The following MTMR2 variants were observed in gnomAD, a reference collection of about 807,000 sequenced individuals.
MTMR2 encodes myotubularin related protein 2.
In MTMR2, 55 loss-of-function variants were observed where a neutral mutation model predicts 86.9. The ratio of observed to expected loss-of-function variants is 0.63; its 90% confidence interval spans 0.51 to 0.79. MTMR2 has a LOEUF of 0.79. Ranked by LOEUF, MTMR2 falls within the 30% of genes least tolerant of loss-of-function variation. The pLI is 0.00. For synonymous variants in MTMR2, 241 were observed against 266.8 expected (o/e 0.90, Z 0.94); for missense variants, 659 against 772.3 (o/e 0.85, Z 1.74).
intron 2 of MTMR2, among the ~76,000 whole-genome samples, chr11:95,869,217 G>C (rs1864756878): frequency 7.4e-6 from 1 of 135,304 alleles, no homozygotes; most frequent in Admixed American, 7.4e-5. Context: ...AAAGAGATTT[G>C]CAAAACACCA....
At chr11:95,846,092 A>G (rs754706688) in intron 10 of MTMR2, among the ~76,000 whole-genome samples, 2 of 152,148 alleles carry the variant, frequency 1.3e-5, no homozygotes, top group African/African-American at 4.8e-5. Context: ...TTGACTATAT[A>G]TCAAGAGTCA....
chr11:95,852,602 C>T (rs749436923), intron 7 of MTMR2, among the ~76,000 whole-genome samples: 9 of 152,326 alleles, frequency 5.9e-5, no homozygotes, highest in Admixed American at 5.9e-4. Flanking sequence ...TCCCTCCCTC[C>T]TGATTTCGTT....
At position 95,894,179 on chromosome 11, in the gene MTMR2, A is replaced by G. The variant is rs1865804106; in HGVS notation, c.81-5918T>C. 1.3e-5 allele frequency among the ~76,000 whole-genome samples: 2 copies of G among 152,002 alleles called. 1 individual carries two copies. Among genetic ancestry groups the G allele is most frequent in the South Asian group, 4.1e-4 (2 of 4,824 alleles). ...CCTCTAATGTCCTTTATAATCTTCC[A>G]TGCCCTCTTTGTCCCATCTATCTTG... is the stretch of plus-strand genomic sequence containing the variant. On this transcript the variant is annotated intron_variant, in intron 1 of 14. Coordinates refer to ENST00000346299, the MANE Select transcript of MTMR2 (RefSeq NM_016156.6).
intron 7 of MTMR2, among the ~76,000 whole-genome samples, chr11:95,852,312 T>C (rs890024239): frequency 6.6e-6 from 1 of 152,206 alleles, no homozygotes; most frequent in Non-Finnish European, 1.5e-5. Context: ...AAATCTATCC[T>C]TTTTATATAA....
intron 1 of MTMR2, 200 bp downstream of exon 1, chr11:95,923,675 A>G (rs780424564): frequency 2.1e-6 from 3 of 1,427,306 alleles, no homozygotes; most frequent in Non-Finnish European, 2.7e-6. Context: ...ATCGATAAAG[A>G]AGCAGCGAGT....
At chr11:95,878,938 G>A (rs1865223698) in intron 2 of MTMR2, among the ~76,000 whole-genome samples, 2 of 152,186 alleles carry the variant, frequency 1.3e-5, no homozygotes, top group South Asian at 4.1e-4. Context: ...TTCATTCAGT[G>A]CTCTTAACAC....
chr11:95,898,523 C>T (rs1242109002), intron 1 of MTMR2, among the ~76,000 whole-genome samples: 1 of 151,970 alleles, frequency 6.6e-6, no homozygotes, highest in East Asian at 1.9e-4. Context: ...CAAACACACA[C>T]ACACAAAAAA....
At chr11:95,902,592 C>A (rs1866112562) in intron 1 of MTMR2, among the ~76,000 whole-genome samples, 1 of 152,138 alleles carries the variant, frequency 6.6e-6, no homozygotes, top group African/African-American at 2.4e-5. Context: ...ATTCTACCTC[C>A]CATTCACTCC....
chr11:95,851,417 G>A (rs1033732225), intron 7 of MTMR2, among the ~76,000 whole-genome samples: 2 of 151,896 alleles, frequency 1.3e-5, no homozygotes, highest in African/African-American at 4.8e-5. Flanking sequence ...AGGCTGGAGT[G>A]CAATGGCGCG....
At chr11:95,857,520 A>C (rs1205839061) in intron 7 of MTMR2, 32 bp downstream of exon 7, 13 of 1,491,692 alleles carry the variant, frequency 8.7e-6, no homozygotes, top group Non-Finnish European at 1.2e-5. Context: ...AGAATACAAA[A>C]TACTAAAATT....
chr11:95,869,092 C>A (rs929675688), intron 2 of MTMR2, among the ~76,000 whole-genome samples: 1 of 151,964 alleles, frequency 6.6e-6, no homozygotes, highest in Non-Finnish European at 1.5e-5. Flanking sequence ...AAAAACTCCA[C>A]ATTCACTACC....
intron 12 of MTMR2, 127 bp from the exon 13 acceptor site, chr11:95,838,334 A>G (rs543044953): frequency 2.9e-6 from 2 of 680,268 alleles, no homozygotes; most frequent in Admixed American, 2.0e-5. Flanking sequence ...CATTATTCCA[A>G]GCCATTATGG....
chr11:95,886,523 T>C (rs1865516552), intron 2 of MTMR2, among the ~76,000 whole-genome samples: 2 of 152,182 alleles, frequency 1.3e-5, no homozygotes, highest in South Asian at 4.1e-4. Flanking sequence ...CTCCTTCATC[T>C]ATCCATTTTC....
chr11:95,842,769 C>T (rs1488755701), intron 11 of MTMR2, among the ~76,000 whole-genome samples: 1 of 152,232 alleles, frequency 6.6e-6, no homozygotes, highest in Non-Finnish European at 1.5e-5. Context: ...AGGCATCAAG[C>T]AGGGCAATGC....
chr11:95,865,916 A>C (rs1435221682), intron 2 of MTMR2, among the ~76,000 whole-genome samples: 1 of 152,080 alleles, frequency 6.6e-6, no homozygotes, highest in African/African-American at 2.4e-5. Context: ...TACACAAAAA[A>C]TTGTACATGT....
intron 1 of MTMR2, among the ~76,000 whole-genome samples, chr11:95,919,095 C>A (rs181316561): frequency 4.1e-4 from 63 of 152,298 alleles, no homozygotes; most frequent in African/African-American, 1.5e-3. Flanking sequence ...TGTTCAGCCT[C>A]CTAAACTGCT....
chr11:95,871,456 T>C (rs1392431953), intron 2 of MTMR2, among the ~76,000 whole-genome samples: 2 of 152,230 alleles, frequency 1.3e-5, no homozygotes, highest in African/African-American at 2.4e-5. Flanking sequence ...TGGTATCTCA[T>C]TGTGGTTTTC....
intron 14 of MTMR2, 53 bp downstream of exon 14, chr11:95,836,095 C>CTT (rs1565342413): frequency 6.6e-7 from 1 of 1,522,910 alleles, no homozygotes; most frequent in Non-Finnish European, 9.1e-7. Flanking sequence ...TTTAAGGAGA[C>CTT]AAAGTTGCAC....
At chr11:95,885,496 G>A (rs1159553513) in intron 2 of MTMR2, among the ~76,000 whole-genome samples, 1 of 151,984 alleles carries the variant, frequency 6.6e-6, no homozygotes, top group African/African-American at 2.4e-5. Context: ...AATGACGAGA[G>A]CATAGCAAAG....
Sources: gnomAD v4.1 joint callset for allele counts (sites outside exome capture counted in the v4.1 genomes callset) on GRCh38, gnomAD v4.1.1 for gene constraint, MANE v1.5 for transcripts, NCBI Gene and HGNC (gene_info 2026-07-23, HGNC 2026-07-21) for gene names.